Variants in PIBF1 observed in about 807,000 individuals in gnomAD.
PIBF1 encodes the protein progesterone immunomodulatory binding factor 1.
Under a neutral mutation model 112.5 loss-of-function variants are expected in PIBF1, and 90 were observed. The ratio of observed to expected loss-of-function variants is 0.80; its 90% CI spans 0.67 to 0.95. The LOEUF (loss-of-function observed/expected upper bound fraction) is 0.95, where lower values mean the gene tolerates loss of function less well. PIBF1 is among the 40% of genes least tolerant of loss of function. The pLI is 0.00. For missense variants in PIBF1, 915 were observed against 852.3 expected, an observed-to-expected ratio of 1.07 and a Z score of -0.92; for synonymous variants, 301 against 288.6, an observed-to-expected ratio of 1.04 and a Z score of -0.44.
At chr13:72,889,014 A>G (rs1468701564) in intron 10 of PIBF1, among the ~76,000 whole-genome samples, 1 of 152,086 alleles carries the variant, frequency 6.6e-6, no homozygotes, top group Admixed American at 6.5e-5. Flanking sequence ...AGCCTGGGCG[A>G]CATAGTGAGA....
chr13:72,958,495 G>A (rs1380681389), intron 14 of PIBF1, among the ~76,000 whole-genome samples: 2 of 152,010 alleles, frequency 1.3e-5, no homozygotes, highest in South Asian at 2.1e-4. Flanking sequence ...GACCAAAAGC[G>A]GAGCTGATAA....
At chr13:72,899,732 A>G (rs1025609294) in intron 11 of PIBF1, among the ~76,000 whole-genome samples, 3 of 152,210 alleles carry the variant, frequency 2.0e-5, no homozygotes, top group African/African-American at 7.2e-5. Context: ...CCTCTTCAAT[A>G]TAGTACTGGA....
chr13:72,800,704 G>T (rs1352319087), intron 5 of PIBF1, among the ~76,000 whole-genome samples: 1 of 152,178 alleles, frequency 6.6e-6, no homozygotes, highest in African/African-American at 2.4e-5. Context: ...AGTAATCCCT[G>T]CCATCATGGA....
rs183843321 is a variant in PIBF1 at position 72,995,010 on chromosome 13, A to C, written c.2050-3812A>C. On this transcript the variant is annotated intron_variant, in intron 16 of 17. Coordinates refer to ENST00000326291, the MANE Select transcript of PIBF1 (RefSeq NM_006346.4). ...GCTGTGAACACTTAATATAATAAAG[A>C]GGTTCTTGCGGACAGGTGCGGTGGC... 9.1e-4 allele frequency among the ~76,000 whole-genome samples: 138 copies of C among 152,262 alleles called. 2 individuals carry two copies. Among genetic ancestry groups the C allele is most frequent in the Non-Finnish European group, 1.6e-4 (11 of 68,030 alleles).
intron 14 of PIBF1, among the ~76,000 whole-genome samples, chr13:72,945,303 C>T (rs1181694311): frequency 3.3e-5 from 5 of 152,100 alleles, no homozygotes; most frequent in South Asian, 4.1e-4. Context: ...GTTATGGGCA[C>T]GTAGGTTGAT....
intron 17 of PIBF1, among the ~76,000 whole-genome samples, chr13:73,001,026 C>G (rs2043848269): frequency 6.6e-6 from 1 of 151,964 alleles, no homozygotes; most frequent in African/African-American, 2.4e-5. Context: ...CTAATGAAAA[C>G]TGAGAGGTAA....
intron 15 of PIBF1, among the ~76,000 whole-genome samples, chr13:72,973,353 AGAG>A (rs1174243635): frequency 1.3e-5 from 2 of 152,058 alleles, no homozygotes; most frequent in Admixed American, 6.6e-5. Flanking sequence ...GGAAAAGAAA[AGAG>A]GAGAGGGAAG....
At chr13:72,966,107 T>C (rs569722291) in intron 15 of PIBF1, among the ~76,000 whole-genome samples, 8 of 152,286 alleles carry the variant, frequency 5.3e-5, no homozygotes, top group African/African-American at 1.9e-4. Context: ...AATTATTAAC[T>C]GATTATCAAT....
At chr13:72,831,855 T>G (rs889343915) in intron 8 of PIBF1, among the ~76,000 whole-genome samples, 2 of 152,122 alleles carry the variant, frequency 1.3e-5, no homozygotes, top group African/African-American at 4.8e-5. Flanking sequence ...TGTTAAAGTT[T>G]CCCACCATTA....
intron 7 of PIBF1, 120 bp downstream of exon 7, chr13:72,827,238 ATTTTTTTTTT>A (rs35211035): frequency 1.0e-3 from 143 of 141,912 alleles, no homozygotes; most frequent in Non-Finnish European, 1.6e-3. Context: ...AAAAAGATAA[ATTTTTTTTTT>A]TTTTTTTTTT....
chr13:72,814,899 C>T (rs2036195237), intron 5 of PIBF1, among the ~76,000 whole-genome samples: 1 of 151,960 alleles, frequency 6.6e-6, no homozygotes, highest in Non-Finnish European at 1.5e-5. Context: ...GTGAACTGTG[C>T]CAACAAAATA....
At chr13:72,825,980 G>A (rs2036792393) in intron 6 of PIBF1, among the ~76,000 whole-genome samples, 1 of 150,212 alleles carries the variant, frequency 6.7e-6, no homozygotes, top group African/African-American at 2.4e-5. Context: ...GAGGCTGGAG[G>A]ATCACTTGAG....
chr13:72,933,991 C>CT (rs1330374614), intron 14 of PIBF1, among the ~76,000 whole-genome samples: 1 of 152,094 alleles, frequency 6.6e-6, no homozygotes. Context: ...GAGTTCTGGA[C>CT]TTTTGTGTAT....
intron 10 of PIBF1, among the ~76,000 whole-genome samples, chr13:72,862,222 T>C (rs1039258497): frequency 6.6e-6 from 1 of 152,224 alleles, no homozygotes; most frequent in Admixed American, 6.5e-5. Context: ...ACAGCAATGT[T>C]GTAAATCTAA....
chr13:72,871,253 G>A (rs887964173), intron 10 of PIBF1, among the ~76,000 whole-genome samples: 5 of 152,096 alleles, frequency 3.3e-5, no homozygotes, highest in Non-Finnish European at 7.4e-5. Flanking sequence ...CCAAAATATA[G>A]TTTGGGCCAT....
chr13:72,925,592 A>G (rs2041454123), intron 13 of PIBF1, among the ~76,000 whole-genome samples: 1 of 119,370 alleles, frequency 8.4e-6, no homozygotes, highest in South Asian at 2.6e-4. Context: ...CCCAGGCTGG[A>G]GTGCAGTGGT....
At chr13:72,978,758 T>C (rs1246881521) in intron 16 of PIBF1, among the ~76,000 whole-genome samples, 2 of 152,210 alleles carry the variant, frequency 1.3e-5, no homozygotes, top group Non-Finnish European at 2.9e-5. Flanking sequence ...TAAGACCTCT[T>C]AGGTGTAAAT....
intron 2 of PIBF1, among the ~76,000 whole-genome samples, chr13:72,791,031 A>C (rs945986738): frequency 7.6e-6 from 1 of 132,252 alleles, no homozygotes; most frequent in Non-Finnish European, 1.6e-5. Context: ...TGTGAAATTC[A>C]TGTATTTTTG....
chr13:72,875,490 GA>G (rs77620998), intron 10 of PIBF1, among the ~76,000 whole-genome samples: 22,830 of 148,706 alleles, frequency 0.15, 2,214 homozygotes, highest in Middle Eastern at 0.26. Flanking sequence ...TAGTGTGGGG[GA>G]AAAAAAAAAG....
Sources: allele counts gnomAD v4.1 joint callset (sites outside exome capture counted in the v4.1 genomes callset), GRCh38; gene constraint gnomAD v4.1.1; transcripts MANE v1.5; gene names NCBI Gene and HGNC (gene_info 2026-07-23, HGNC 2026-07-21).